Variants in NBR1 observed in about 807,000 individuals in gnomAD.
NBR1 encodes the protein NBR1 autophagy cargo receptor.
NBR1 carries 59 observed loss-of-function variants against 115.5 expected under a neutral mutation model. The observed-to-expected ratio is 0.51, with a 90% CI of 0.41 to 0.63. The LOEUF is 0.63. NBR1 is among the 30% of genes least tolerant of loss of function. The probability of loss-of-function intolerance (pLI) is 0.00; values close to 1 mark genes in which losing one functional copy is unlikely to be tolerated. For synonymous variants in NBR1, 373 were observed against 414.7 expected, an observed-to-expected ratio of 0.90 and a Z score of 1.22; for missense variants, 1,043 against 1,150.5, an observed-to-expected ratio of 0.91 and a Z score of 1.35.
intron 16 of NBR1, among the ~76,000 whole-genome samples, chr17:43,199,442 C>A (rs559234793): frequency 2.6e-5 from 4 of 151,362 alleles, no homozygotes; most frequent in Admixed American, 2.0e-4. Flanking sequence ...AGCGCGGTCT[C>A]GGCTGACTGC....
At chr17:43,196,147 A>G (rs2057062717) in intron 14 of NBR1, 1 of 172,918 alleles carries the variant, frequency 5.8e-6, no homozygotes, top group African/African-American at 2.4e-5. Flanking sequence ...GCAATAAAAC[A>G]AGTTCGTGCA....
rs2057075788 is a variant in NBR1 at position 43,196,683 on chromosome 17, A to G, written c.1861+92A>G. On this transcript the variant is annotated intron_variant, in intron 15 of 20. Transcript: ENST00000590996. The stretch of plus-strand genomic sequence containing the variant: ...TATCCCCTACTGACCCTACCTTAGC[A>G]TGTAAATGGGCTTGCTTTCTGTAGC... 1.3e-5 allele frequency: 13 copies of G among 1,017,550 alleles called. No individual in the cohort carries two copies. The South Asian group carries it at 1.3e-4, about 10-fold the overall frequency. The allele number at this position is 1,017,550 out of a possible 1,614,324, so 63.0% of individuals were successfully genotyped here. A position where few individuals can be genotyped will look rare whatever the true frequency, so the allele number is the denominator to read the frequency against.
In NBR1 at chr17:43,210,702, C is replaced by T. The variant is rs13119; in HGVS notation, c.*628C>T. On this transcript the variant is annotated 3_prime_UTR_variant, in exon 21 of 21. Coordinates refer to ENST00000590996, the MANE Select transcript of NBR1 (RefSeq NM_005899.5). ...GAGTATCCAACTTCAAGGGAATCTCCGCATTTCAATGAAAGGAGGAAGAGT... is the reference window on the plus strand; with the variant it reads ...GAGTATCCAACTTCAAGGGAATCTCTGCATTTCAATGAAAGGAGGAAGAGT... 0.32 allele frequency: 128,631 copies of T among 398,180 alleles called. 21,580 individuals carry two copies. The highest frequency in any genetic ancestry group is 0.5 in the South Asian group (3,911 of 7,852). The allele number at this position is 398,180 out of a possible 1,614,324, so 24.7% of individuals were successfully genotyped here.
chr17:43,182,685 T>C (rs2056701976), intron 5 of NBR1, among the ~76,000 whole-genome samples: 1 of 151,936 alleles, frequency 6.6e-6, no homozygotes, highest in Admixed American at 6.5e-5. Flanking sequence ...TTTTGAAATA[T>C]GTATACATTG....
At chr17:43,188,205 T>C (rs2056864731) in intron 6 of NBR1, among the ~76,000 whole-genome samples, 1 of 152,242 alleles carries the variant, frequency 6.6e-6, no homozygotes, top group Admixed American at 6.5e-5. Flanking sequence ...TGCATTTCTC[T>C]AATGACCAGT....
At chr17:43,180,750 G>A in intron 4 of NBR1, 45 bp from the exon 5 acceptor site, 1 of 1,414,604 alleles carries the variant, frequency 7.1e-7, no homozygotes, top group Admixed American at 3.0e-5. Context: ...GAATCTTTTG[G>A]GGTGTGTGAA....
chr17:43,187,243 C>T (rs1201904636), intron 6 of NBR1, among the ~76,000 whole-genome samples: 3 of 152,024 alleles, frequency 2.0e-5, no homozygotes, highest in South Asian at 4.1e-4. Flanking sequence ...TGCAGTGGCG[C>T]GATCTCGGCT....
intron 16 of NBR1, among the ~76,000 whole-genome samples, chr17:43,198,791 C>T (rs536044363): frequency 3.4e-4 from 52 of 152,196 alleles, no homozygotes; most frequent in African/African-American, 1.2e-3. Context: ...GAAACCCCAT[C>T]TCTACTAAAA....
chr17:43,201,241 C>G (rs552533953), intron 17 of NBR1, among the ~76,000 whole-genome samples: 38 of 152,230 alleles, frequency 2.5e-4, no homozygotes, highest in African/African-American at 9.2e-4. Context: ...GTAAAGGCAG[C>G]AAAAACTCAA....
chr17:43,181,727 G>A (rs2056670944), intron 5 of NBR1, among the ~76,000 whole-genome samples: 1 of 152,080 alleles, frequency 6.6e-6, no homozygotes, highest in Non-Finnish European at 1.5e-5. Context: ...GCTCATGCCT[G>A]TAATCCCAGC....
chr17:43,184,309 T>G (rs536327312), intron 5 of NBR1, among the ~76,000 whole-genome samples: 2 of 150,212 alleles, frequency 1.3e-5, no homozygotes, highest in East Asian at 3.9e-4. Flanking sequence ...GTTATCTGCC[T>G]CAGCCTCCCA....
At position 43,193,210 on chromosome 17, in the gene NBR1, G is replaced by T; in HGVS notation, c.1190G>T (p.Arg397Met). 6.2e-7 allele frequency: 1 copy of T among 1,613,958 alleles called. No homozygotes were observed. Among genetic ancestry groups the T allele is most frequent in the Non-Finnish European group, 8.5e-7 (1 of 1,179,878 alleles). Reference sequence around the variant, plus strand: ...GGAACCAAGTTTATCAAACACTGGAGGATGAAAAATACAGGAAATGTAAAG... The same window carrying T: ...GGAACCAAGTTTATCAAACACTGGATGATGAAAAATACAGGAAATGTAAAG... ...QPGTKFIKHW[R>M]MKNTGNVKWS... The change falls in exon 11 of 21, where the codon AGG becomes ATG. Residue 397 changes from arginine to methionine, a missense_variant. Physicochemically the swap from Arg to Met is moderately conservative, Grantham distance 91 (BLOSUM62 -1). Coordinates refer to ENST00000590996, the MANE Select transcript of NBR1 (RefSeq NM_005899.5).
rs2057081722 is a variant in NBR1, at chr17:43,196,945, C to T, written c.1865C>T (p.Ser622Phe). Reference protein sequence around the residue: ...EGAGFKALPDSMVSVKRKAEN... With the variant: ...EGAGFKALPDFMVSVKRKAEN... ...ATAAGGTTCGTGTGTCTTTCAGATT[C>T]TATGGTGTCAGTAAAGAGGAAGGCT... The change falls in exon 16 of 21, where the codon TCT (serine) becomes TTT (phenylalanine). Residue 622 changes from serine (S) to phenylalanine (F), a missense_variant. Ser to Phe is a radical substitution (Grantham distance 155, BLOSUM62 -2). Coordinates refer to ENST00000590996, the MANE Select transcript of NBR1 (RefSeq NM_005899.5). 4 of 1,613,918 alleles carry T rather than the reference C, an allele frequency of 2.5e-6. No homozygotes were observed. The East Asian group carries it at 8.9e-5, about 36-fold the overall frequency.
rs931085188 is a variant in NBR1 at position 43,171,281 on chromosome 17, G to C, written c.-31G>C. On this transcript the variant is annotated 5_prime_UTR_variant, in exon 1 of 21. Transcript: ENST00000590996. ...GTCCTTGCATTGGCCTCCGGCAGGC[G>C]CCCCCCGGGGGCGGGAAGCTGGTAA... 1.3e-5 allele frequency: 2 copies of C among 152,724 alleles called. No homozygotes were observed. Among genetic ancestry groups the C allele is most frequent in the African/African-American group, 2.4e-5 (1 of 41,464 alleles). The allele number at this position is 152,724 out of a possible 1,614,324, so 9.5% of individuals were successfully genotyped here. A position where few individuals can be genotyped will look rare whatever the true frequency, so the allele number is the denominator to read the frequency against.
intron 1 of NBR1, among the ~76,000 whole-genome samples, chr17:43,171,508 T>G (rs2056368116): frequency 6.6e-6 from 1 of 152,086 alleles, no homozygotes. Flanking sequence ...GGAGAGTCTG[T>G]GGGTCAGAAC....
At chr17:43,196,169 C>CTATAAAGG (rs981347802) in intron 14 of NBR1, 1 of 202,390 alleles carries the variant, frequency 4.9e-6, no homozygotes, top group Non-Finnish European at 9.7e-6. Flanking sequence ...GGCTTTTCCA[C>CTATAAAGG]TATAAAGGAA....
rs1323554279 is a variant in NBR1 at position 43,203,724 on chromosome 17, GC to G, written c.2666del (p.Ala889ValfsTer23). The G allele has an allele frequency of 6.2e-7, 1 of 1,610,438 alleles. No homozygotes were observed. The highest frequency in any genetic ancestry group is 1.1e-5 in the South Asian group (1 of 90,132). On this transcript the variant is annotated frameshift_variant, in exon 20 of 21. Coordinates refer to ENST00000590996, the MANE Select transcript of NBR1 (RefSeq NM_005899.5). LOFTEE classifies it high-confidence loss of function. Reference protein sequence around the residue: ...SSIAGGLVKGALSVAASAYKA... With the variant: ...SSIAGGLVKGXLSVAASAYKA... ...CATTGCTGGAGGACTGGTGAAGGGGGCTTTGTCTGTTGCTGCCTCTGCATAC... is the reference window on the plus strand; with the variant it reads ...CATTGCTGGAGGACTGGTGAAGGGGGTTTGTCTGTTGCTGCCTCTGCATAC...
intron 13 of NBR1, 102 bp downstream of exon 13, chr17:43,194,601 C>A: frequency 7.8e-7 from 1 of 1,274,778 alleles, no homozygotes; most frequent in South Asian, 1.3e-5. Context: ...GAGATATGCC[C>A]ACTTTGATCT....
At chr17:43,195,250 C>T in intron 14 of NBR1, 1 of 540,118 alleles carries the variant, frequency 1.9e-6, no homozygotes, top group South Asian at 2.3e-5. Context: ...TGTCTATAAT[C>T]CCAGCTCTTT....
Sources: gnomAD v4.1 joint callset for allele counts (sites outside exome capture counted in the v4.1 genomes callset) on GRCh38, gnomAD v4.1.1 for gene constraint, MANE v1.5 for transcripts, NCBI Gene and HGNC (gene_info 2026-07-23, HGNC 2026-07-21) for gene names.